Variants in FGF12 observed in about 807,000 individuals in gnomAD.
FGF12 encodes the protein fibroblast growth factor 12B.
FGF12 carries 14 observed loss-of-function variants against 23.6 expected under a neutral mutation model. The ratio of observed to expected loss-of-function variants is 0.59; its 90% CI spans 0.39 to 0.93. FGF12 has a LOEUF of 0.93. FGF12 is among the 40% of genes least tolerant of loss of function. The pLI, the probability that FGF12 is intolerant of heterozygous loss-of-function variation, is 0.00. For synonymous variants in FGF12, 62 were observed against 77.3 expected, an observed-to-expected ratio of 0.80 and a Z score of 1.04; for missense variants, 175 against 217.8, an observed-to-expected ratio of 0.80 and a Z score of 1.24.
At chr3:192,227,773 A>G (rs915390589) in intron 4 of FGF12, among the ~76,000 whole-genome samples, 2 of 152,100 alleles carry the variant, frequency 1.3e-5, no homozygotes, top group Non-Finnish European at 2.9e-5. Context: ...ATTGAACTCT[A>G]TGATACATAG....
intron 2 of FGF12, among the ~76,000 whole-genome samples, chr3:192,363,608 G>A (rs1718840972): frequency 6.6e-6 from 1 of 152,074 alleles, no homozygotes; most frequent in Admixed American, 6.6e-5. Flanking sequence ...TATAGATGGG[G>A]CACAGAAAGC....
chr3:192,330,882 A>G (rs558555540), intron 4 of FGF12, among the ~76,000 whole-genome samples: 29 of 152,270 alleles, frequency 1.9e-4, no homozygotes, highest in Non-Finnish European at 2.5e-4. Flanking sequence ...TAAAAATTCT[A>G]TGTATCAACA....
chr3:192,263,906 T>C (rs1327407374), intron 4 of FGF12, among the ~76,000 whole-genome samples: 2 of 152,112 alleles, frequency 1.3e-5, no homozygotes, highest in African/African-American at 2.4e-5. Context: ...CTTATTCTTA[T>C]TCTTCTTTGA....
intron 4 of FGF12, among the ~76,000 whole-genome samples, chr3:192,188,453 C>A (rs1716608900): frequency 6.6e-6 from 1 of 152,170 alleles, no homozygotes; most frequent in South Asian, 2.1e-4. Flanking sequence ...CAAGAGGCTA[C>A]AGTTGGTGGG....
intron 2 of FGF12, among the ~76,000 whole-genome samples, chr3:192,718,505 A>G (rs1482655651): frequency 6.6e-6 from 1 of 151,442 alleles, no homozygotes; most frequent in Non-Finnish European, 1.5e-5. Context: ...CCTCTAATCC[A>G]CTCTTGTTTT....
At chr3:192,588,961 T>C (rs1339389378) in intron 2 of FGF12, among the ~76,000 whole-genome samples, 3 of 152,016 alleles carry the variant, frequency 2.0e-5, no homozygotes, top group African/African-American at 7.2e-5. Flanking sequence ...ACTCAAGTGC[T>C]GAGACTAATA....
intron 3 of FGF12, among the ~76,000 whole-genome samples, chr3:192,358,012 CAAAT>C (rs1178125988): frequency 6.6e-6 from 1 of 151,868 alleles, no homozygotes; most frequent in Non-Finnish European, 1.5e-5. Flanking sequence ...AGAAATAAAG[CAAAT>C]AAATATATTA....
intron 2 of FGF12, among the ~76,000 whole-genome samples, chr3:192,410,478 G>C (rs1462716829): frequency 1.3e-5 from 2 of 152,120 alleles, no homozygotes; most frequent in Non-Finnish European, 2.9e-5. Flanking sequence ...GAAGAGGTGG[G>C]ATGGGGGAGC....
chr3:192,374,139 A>G (rs1465210370), intron 2 of FGF12, among the ~76,000 whole-genome samples: 1 of 152,266 alleles, frequency 6.6e-6, no homozygotes, highest in Non-Finnish European at 1.5e-5. Context: ...TTTAGGTGTT[A>G]CAGAATCAAA....
intron 2 of FGF12, among the ~76,000 whole-genome samples, chr3:192,506,092 A>G (rs1199072871): frequency 6.6e-6 from 1 of 152,208 alleles, no homozygotes; most frequent in Non-Finnish European, 1.5e-5. Context: ...CAGGGATAGG[A>G]AGGCACTCAA....
intron 2 of FGF12, among the ~76,000 whole-genome samples, chr3:192,434,119 T>G (rs996388199): frequency 6.6e-6 from 1 of 152,056 alleles, no homozygotes; most frequent in African/African-American, 2.4e-5. Context: ...ATAGCAACCT[T>G]AACCAATTGT....
At chr3:192,727,086 T>C in intron 2 of FGF12, 95 bp downstream of exon 2, 8 of 1,464,138 alleles carry the variant, frequency 5.5e-6, no homozygotes, top group Non-Finnish European at 6.6e-6. Context: ...CCTAGTATGA[T>C]GCTCGCTCCC....
At chr3:192,642,458 T>C (rs189634536) in intron 2 of FGF12, among the ~76,000 whole-genome samples, 128 of 152,262 alleles carry the variant, frequency 8.4e-4, no homozygotes, top group Admixed American at 2.8e-3. Flanking sequence ...GATAATATTA[T>C]AAAAACAATG....
intron 2 of FGF12, among the ~76,000 whole-genome samples, chr3:192,676,721 A>G (rs1049860810): frequency 6.6e-6 from 1 of 152,192 alleles, no homozygotes; most frequent in Non-Finnish European, 1.5e-5. Flanking sequence ...GGATATTTAC[A>G]TGCAAATATA....
At chr3:192,222,330 C>G (rs1049463563) in intron 4 of FGF12, among the ~76,000 whole-genome samples, 4 of 152,158 alleles carry the variant, frequency 2.6e-5, no homozygotes, top group Non-Finnish European at 5.9e-5. Flanking sequence ...GGTTCTTCGG[C>G]TGTAACATGT....
chr3:192,410,179 C>T (rs1042165156), intron 2 of FGF12, among the ~76,000 whole-genome samples: 3 of 152,170 alleles, frequency 2.0e-5, no homozygotes, highest in African/African-American at 7.2e-5. Context: ...GGGGCCGGGC[C>T]CCTGGAGCGC....
At chr3:192,322,054 G>A (rs1316942846) in intron 4 of FGF12, among the ~76,000 whole-genome samples, 3 of 151,786 alleles carry the variant, frequency 2.0e-5, no homozygotes, top group Non-Finnish European at 4.4e-5. Context: ...TGATATGATA[G>A]TATATTTGAA....
chr3:192,605,516 GC>G (rs1282003297), intron 2 of FGF12, among the ~76,000 whole-genome samples: 3 of 152,052 alleles, frequency 2.0e-5, no homozygotes, highest in Non-Finnish European at 4.4e-5. Context: ...AAACTTAAGA[GC>G]TTCTGCACAG....
intron 3 of FGF12, among the ~76,000 whole-genome samples, chr3:192,356,157 A>C (rs1577383419): frequency 1.3e-5 from 2 of 152,154 alleles, no homozygotes; most frequent in Non-Finnish European, 2.9e-5. Context: ...GAGTTCTGAA[A>C]CCATGCCCCT....
Sources: allele counts gnomAD v4.1 joint callset (sites outside exome capture counted in the v4.1 genomes callset), GRCh38; gene constraint gnomAD v4.1.1; transcripts MANE v1.5; gene names NCBI Gene and HGNC (gene_info 2026-07-23, HGNC 2026-07-21).